Variants in RASA3 observed in about 807,000 individuals in gnomAD.
RASA3 encodes ras GTPase-activating protein 3.
In RASA3, 73 loss-of-function variants were observed where a neutral mutation model predicts 110.0. The observed-to-expected ratio is 0.66, with a 90% CI of 0.55 to 0.81. The LOEUF is 0.81. Ranked by LOEUF, RASA3 falls within the 30% of genes least tolerant of loss-of-function variation. RASA3 has a pLI of 0.00. For synonymous variants in RASA3, 500 were observed against 451.4 expected, an observed-to-expected ratio of 1.11 and a Z score of -1.37; for missense variants, 976 against 1,113.2, an observed-to-expected ratio of 0.88 and a Z score of 1.75.
At chr13:114,108,289 C>T (rs1242277450) in intron 1 of RASA3, among the ~76,000 whole-genome samples, 10 of 137,694 alleles carry the variant, frequency 7.3e-5, no homozygotes, top group Non-Finnish European at 9.4e-5. Context: ...CATCCCCGTC[C>T]GTCACCCCAT....
rs778880624 is a variant in RASA3 at position 114,132,421 on chromosome 13, C to G, written c.55+14G>C. 2 of 1,516,120 alleles carry G rather than the reference C, an allele frequency of 1.3e-6. No homozygotes were observed. The highest frequency in any genetic ancestry group is 1.2e-5 in the South Asian group (1 of 81,390). 93.9% of individuals were successfully genotyped at this position (1,516,120 alleles called of 1,614,324 possible). A position where few individuals can be genotyped will look rare whatever the true frequency, so the allele number is the denominator to read the frequency against. On this transcript the variant is annotated intron_variant, in intron 1 of 23. Transcript: ENST00000334062. ...GCCGGGGGGTCGGACGCGTGGCTGC[C>G]GGCGGACACTCACCGATCTTGATCT...
intron 18 of RASA3, among the ~76,000 whole-genome samples, chr13:114,005,838 A>C (rs1432286537): frequency 1.7e-5 from 1 of 59,086 alleles, no homozygotes; most frequent in Non-Finnish European, 3.2e-5. Context: ...GCCGGACGCC[A>C]CCTTACCCTT....
At chr13:114,049,783 AAC>A (rs2079112844) in intron 3 of RASA3, among the ~76,000 whole-genome samples, 1 of 152,250 alleles carries the variant, frequency 6.6e-6, no homozygotes, top group Non-Finnish European at 1.5e-5. Flanking sequence ...AGGGGCTGAG[AAC>A]ACAGGAGCGA....
chr13:114,027,513 G>T, intron 6 of RASA3, 52 bp from the exon 7 acceptor site: 1 of 1,389,650 alleles, frequency 7.2e-7, no homozygotes, highest in Non-Finnish European at 1.0e-6. Flanking sequence ...CTGATTCCAA[G>T]TCTCTCAGTG....
Position 114,048,433 on chromosome 13 carries a change from C to T in RASA3, c.277+3619G>A, listed in dbSNP as rs1347362198. ...CAAATGGAGGGGGACATGGTGCTAC[C>T]AGAGCCGGGGCCCAGAGGAAGGTGG... On this transcript the variant is annotated intron_variant, in intron 3 of 23. Coordinates refer to ENST00000334062, the MANE Select transcript of RASA3 (RefSeq NM_007368.4). The surrounding 1 kb of genome is among the most constrained non-coding windows in gnomAD (Gnocchi z 4.3). Among the ~76,000 whole-genome samples the T allele has an allele frequency of 6.6e-6, 1 of 152,106 alleles. No homozygotes were observed. Among genetic ancestry groups the T allele is most frequent in the Non-Finnish European group, 1.5e-5 (1 of 68,002 alleles).
rs1259794406 is a variant in RASA3, at chr13:114,065,828, C to T, written c.173+7892G>A. Among the ~76,000 whole-genome samples, 2 of 152,208 alleles carry T rather than the reference C, an allele frequency of 1.3e-5. No individual in the cohort carries two copies. Among genetic ancestry groups the T allele is most frequent in the Non-Finnish European group, 2.9e-5 (2 of 68,026 alleles). ...CGGAAGCCCCACACACACTGGGTTG[C>T]AGCCTCCTGTGGTTCAAGATGGGTG... On this transcript the variant is annotated intron_variant, in intron 2 of 23. Coordinates refer to ENST00000334062, the MANE Select transcript of RASA3 (RefSeq NM_007368.4). The surrounding 1 kb of genome is among the most constrained non-coding windows in gnomAD (Gnocchi z 4.1).
intron 21 of RASA3, among the ~76,000 whole-genome samples, chr13:113,995,332 G>A (rs1375999416): frequency 6.6e-6 from 1 of 152,268 alleles, no homozygotes; most frequent in Non-Finnish European, 1.5e-5. Flanking sequence ...CTGAGCAGCA[G>A]CCAGGCCCCC....
intron 22 of RASA3, among the ~76,000 whole-genome samples, chr13:113,990,064 G>A (rs1482423487): frequency 6.6e-6 from 1 of 152,002 alleles, no homozygotes; most frequent in African/African-American, 2.4e-5. Flanking sequence ...GGACGTGTGT[G>A]GCATCTACCC....
intron 1 of RASA3, among the ~76,000 whole-genome samples, chr13:114,079,495 G>A (rs867376344): frequency 7.9e-5 from 12 of 152,194 alleles, no homozygotes; most frequent in Non-Finnish European, 1.2e-4. Context: ...GGCACACAGC[G>A]TCTTCTAACA....
intron 8 of RASA3, among the ~76,000 whole-genome samples, chr13:114,021,826 G>C (rs1351868677): frequency 2.6e-5 from 4 of 151,768 alleles, no homozygotes; most frequent in Non-Finnish European, 5.9e-5. Context: ...CATGACCCCA[G>C]GCTCTTACAT....
chr13:114,100,083 G>A (rs2080035286), intron 1 of RASA3, among the ~76,000 whole-genome samples: 1 of 150,944 alleles, frequency 6.6e-6, no homozygotes, highest in African/African-American at 2.4e-5. Flanking sequence ...AGAGCGGCAG[G>A]CCAGGGTGGA....
intron 16 of RASA3, among the ~76,000 whole-genome samples, chr13:114,010,382 C>T (rs531807737): frequency 2.2e-4 from 34 of 152,160 alleles, no homozygotes; most frequent in African/African-American, 8.2e-4. Flanking sequence ...CCTGCAGAGA[C>T]AGCCTTGGGC....
chr13:114,118,450 G>A (rs896827025), intron 1 of RASA3, among the ~76,000 whole-genome samples: 4 of 152,110 alleles, frequency 2.6e-5, no homozygotes, highest in Non-Finnish European at 5.9e-5. Context: ...GCCTTTTGGT[G>A]GGTGACCTCA....
At chr13:114,032,641 C>T (rs1284514432) in intron 4 of RASA3, among the ~76,000 whole-genome samples, 2 of 151,484 alleles carry the variant, frequency 1.3e-5, no homozygotes, top group South Asian at 2.1e-4. Flanking sequence ...ACACTTGATA[C>T]TATGCCCCAC....
chr13:114,111,963 C>G (rs938505557), intron 1 of RASA3, among the ~76,000 whole-genome samples: 1 of 152,034 alleles, frequency 6.6e-6, no homozygotes, highest in Non-Finnish European at 1.5e-5. Flanking sequence ...CAGACTTCAC[C>G]CTATCTAATT....
In RASA3 at chr13:113,978,234, G is replaced by C. The variant is rs1042050113; in HGVS notation, c.*1113C>G. On this transcript the variant is annotated 3_prime_UTR_variant, in exon 24 of 24. Coordinates refer to ENST00000334062, the MANE Select transcript of RASA3 (RefSeq NM_007368.4). ...CCCCTGCCCTGCACAGCATCTGGGGGTTCATAACACAGGTGCAATACTGAC... is the reference window on the plus strand; with the variant it reads ...CCCCTGCCCTGCACAGCATCTGGGGCTTCATAACACAGGTGCAATACTGAC... The C allele has an allele frequency of 1.3e-5, 2 of 152,374 alleles. No homozygotes were observed. Among genetic ancestry groups the C allele is most frequent in the Non-Finnish European group, 2.9e-5 (2 of 68,074 alleles). 9.4% of individuals were successfully genotyped at this position (152,374 alleles called of 1,614,324 possible).
At chr13:114,098,679 AGAG>A (rs2079979387) in intron 1 of RASA3, among the ~76,000 whole-genome samples, 1 of 152,138 alleles carries the variant, frequency 6.6e-6, no homozygotes, top group African/African-American at 2.4e-5. Flanking sequence ...CTGAGAGTCC[AGAG>A]GAGAGACCAG....
intron 2 of RASA3, among the ~76,000 whole-genome samples, chr13:114,072,309 T>C (rs1475600063): frequency 1.3e-5 from 2 of 152,214 alleles, no homozygotes; most frequent in African/African-American, 2.4e-5. Context: ...CAAGTTCTGG[T>C]TGTGCTCTGG....
At position 114,038,192 on chromosome 13, in the gene RASA3, C is replaced by T. The variant is rs974377029; in HGVS notation, c.372+2808G>A. 5.9e-5 allele frequency among the ~76,000 whole-genome samples: 9 copies of T among 152,188 alleles called. No homozygotes were observed. In the South Asian group the frequency reaches 6.2e-4, roughly 11 times the overall value. On this transcript the variant is annotated intron_variant, in intron 4 of 23. Transcript: ENST00000334062. The stretch of plus-strand genomic sequence containing the variant: ...GCCAGCTGCTCAGAGGCCGTTGTGA[C>T]GGAGACCCCAGCGACGGCGGGTATC...
Sources: gnomAD v4.1 joint callset for allele counts (sites outside exome capture counted in the v4.1 genomes callset) on GRCh38, gnomAD v4.1.1 for gene constraint, Gnocchi (gnomAD v3.1) non-coding constraint, MANE v1.5 for transcripts, NCBI Gene and HGNC (gene_info 2026-07-23, HGNC 2026-07-21) for gene names.